Variants in SLC44A1 observed in about 807,000 individuals in gnomAD.
The protein encoded by SLC44A1 is choline transporter-like protein 1.
In SLC44A1, 26 loss-of-function variants were observed where a neutral mutation model predicts 79.3. That is an observed-to-expected ratio of 0.33 (90% CI 0.24 to 0.46). The LOEUF is 0.46. SLC44A1 is among the 20% of genes least tolerant of loss of function. The probability of loss-of-function intolerance (pLI) is 1.00; values close to 1 mark genes in which losing one functional copy is unlikely to be tolerated. For synonymous variants in SLC44A1, 263 were observed against 286.2 expected (o/e 0.92, Z 0.82); for missense variants, 688 against 798.1 (o/e 0.86, Z 1.66).
chr9:105,273,825 C>T (rs1443391898), intron 1 of SLC44A1, among the ~76,000 whole-genome samples: 1 of 151,324 alleles, frequency 6.6e-6, no homozygotes, highest in African/African-American at 2.4e-5. Context: ...AGTTTTTTTT[C>T]TCTTAGTAGG....
intron 15 of SLC44A1, among the ~76,000 whole-genome samples, chr9:105,433,211 G>A (rs543029690): frequency 3.3e-5 from 5 of 152,228 alleles, no homozygotes; most frequent in African/African-American, 9.6e-5. Flanking sequence ...AAGGAGAATT[G>A]CTTGAACCCA....
chr9:105,272,608 G>C (rs1830103170), intron 1 of SLC44A1, among the ~76,000 whole-genome samples: 1 of 150,572 alleles, frequency 6.6e-6, no homozygotes, highest in Non-Finnish European at 1.5e-5. Context: ...AGGTGAAAAA[G>C]CTGATTCATA....
chr9:105,301,413 C>A (rs1170973499), intron 2 of SLC44A1, among the ~76,000 whole-genome samples: 2 of 152,150 alleles, frequency 1.3e-5, no homozygotes, highest in Non-Finnish European at 1.5e-5. Context: ...TCGAATGATT[C>A]CTTTAATGGA....
intron 1 of SLC44A1, among the ~76,000 whole-genome samples, chr9:105,256,563 CTCT>C (rs1199717671): frequency 1.4e-5 from 2 of 142,856 alleles, no homozygotes; most frequent in African/African-American, 5.4e-5. Context: ...TGGCTGGAAA[CTCT>C]TTTTTTTTTT....
intron 1 of SLC44A1, among the ~76,000 whole-genome samples, chr9:105,249,066 C>G (rs1195317256): frequency 6.6e-6 from 1 of 152,194 alleles, no homozygotes; most frequent in Non-Finnish European, 1.5e-5. Context: ...TGCCGCTTGT[C>G]TGTCTAGCGT....
At chr9:105,366,497 ATAAACT>A in intron 12 of SLC44A1, 68 bp downstream of exon 12, 1 of 669,016 alleles carries the variant, frequency 1.5e-6, no homozygotes, top group Non-Finnish European at 2.4e-6. Flanking sequence ...TTCTCCCAAG[ATAAACT>A]TAATTGAAAG....
intron 3 of SLC44A1, among the ~76,000 whole-genome samples, chr9:105,315,516 G>C (rs1831299243): frequency 6.6e-6 from 1 of 151,994 alleles, no homozygotes; most frequent in African/African-American, 2.4e-5. Flanking sequence ...TCTACCCCGT[G>C]ATCACATATT....
intron 15 of SLC44A1, among the ~76,000 whole-genome samples, chr9:105,430,270 A>G (rs1189846650): frequency 6.6e-6 from 1 of 152,144 alleles, no homozygotes; most frequent in African/African-American, 2.4e-5. Flanking sequence ...CTCTTTTTTA[A>G]AAAATTAAGA....
chr9:105,436,916 G>A (rs958364716), intron 15 of SLC44A1, among the ~76,000 whole-genome samples: 1 of 152,162 alleles, frequency 6.6e-6, no homozygotes, highest in African/African-American at 2.4e-5. Context: ...GGAGACAGAT[G>A]TATCAGATCT....
At chr9:105,278,628 G>C (rs182742151) in intron 1 of SLC44A1, among the ~76,000 whole-genome samples, 1 of 151,766 alleles carries the variant, frequency 6.6e-6, no homozygotes, top group African/African-American at 2.4e-5. Flanking sequence ...TGATGTACCC[G>C]CTTCGGCCTC....
Position 105,393,493 on chromosome 9 carries a change from A to T in SLC44A1, c.*4437A>T. On this transcript the variant is annotated 3_prime_UTR_variant, in exon 16 of 16. Coordinates refer to ENST00000374720, the MANE Select transcript of SLC44A1 (RefSeq NM_080546.5). The stretch of plus-strand genomic sequence containing the variant: ...CATTTGAGCCAAATTCTTATACTCC[A>T]TGTTTTAATTTTAAAAGGATAATTT... 4.2e-6 allele frequency: 4 copies of T among 942,714 alleles called. No homozygotes were observed. The highest frequency in any genetic ancestry group is 5.1e-6 in the Non-Finnish European group (4 of 791,048). The allele number at this position is 942,714 out of a possible 1,614,324, so 58.4% of individuals were successfully genotyped here.
Position 105,395,884 on chromosome 9 carries a change from T to C in SLC44A1, c.*6828T>C, listed in dbSNP as rs556385380. ...GCTCCTTCTTCATTTACCATGTTGA[T>C]AATCCGGTGGTGACTTTTTTTTTTT... is the stretch of plus-strand genomic sequence containing the variant. On this transcript the variant is annotated 3_prime_UTR_variant, in exon 16 of 16. Coordinates refer to ENST00000374720, the MANE Select transcript of SLC44A1 (RefSeq NM_080546.5). 9.0e-4 allele frequency: 888 copies of C among 982,686 alleles called. 10 individuals are homozygous for C. In the South Asian group the frequency reaches 0.024, roughly 27 times the overall value. 60.9% of individuals were successfully genotyped at this position (982,686 alleles called of 1,614,324 possible).
At chr9:105,246,728 G>A (rs1829461739) in intron 1 of SLC44A1, among the ~76,000 whole-genome samples, 1 of 152,136 alleles carries the variant, frequency 6.6e-6, no homozygotes, top group South Asian at 2.1e-4. Context: ...ATGCCTTTAA[G>A]ACAGAAAAGT....
At chr9:105,316,226 G>A (rs1027375959) in intron 3 of SLC44A1, among the ~76,000 whole-genome samples, 8 of 152,094 alleles carry the variant, frequency 5.3e-5, no homozygotes, top group African/African-American at 1.9e-4. Flanking sequence ...GAAGCGTTTT[G>A]AAGAGAGAGG....
chr9:105,389,815 C>T lies in SLC44A1; in HGVS notation c.*759C>T. On this transcript the variant is annotated 3_prime_UTR_variant, in exon 16 of 16. Transcript: ENST00000374720. The stretch of plus-strand genomic sequence containing the variant: ...TTTCTTTCCTTTTTGACTTTAGTAG[C>T]ATCCTCCACACATTTGTGTGCCTGA... 7.2e-7 allele frequency: 1 copy of T among 1,389,254 alleles called. No individual in the cohort carries two copies. The highest frequency in any genetic ancestry group is 1.5e-5 in the African/African-American group (1 of 67,834). The allele number at this position is 1,389,254 out of a possible 1,614,324, so 86.1% of individuals were successfully genotyped here.
chr9:105,328,997 T>G (rs976203178), intron 3 of SLC44A1, among the ~76,000 whole-genome samples: 1 of 152,196 alleles, frequency 6.6e-6, no homozygotes, highest in Non-Finnish European at 1.5e-5. Context: ...ATTAGATGAC[T>G]GGACTTGCCT....
intron 13 of SLC44A1, 144 bp downstream of exon 13, chr9:105,374,879 A>G (rs1311405725): frequency 4.8e-6 from 3 of 626,710 alleles, no homozygotes; most frequent in Admixed American, 2.9e-5. Flanking sequence ...TGTGTCCAGC[A>G]TTGTGATAAG....
At chr9:105,318,725 C>T (rs759191026) in intron 3 of SLC44A1, among the ~76,000 whole-genome samples, 1 of 145,442 alleles carries the variant, frequency 6.9e-6, no homozygotes, top group Non-Finnish European at 1.5e-5. Context: ...AGAGGAGATC[C>T]AGCTACGTAC....
At chr9:105,307,796 A>C (rs1014252098) in intron 2 of SLC44A1, among the ~76,000 whole-genome samples, 5 of 152,234 alleles carry the variant, frequency 3.3e-5, no homozygotes, top group Non-Finnish European at 7.3e-5. Context: ...GTAAATATGC[A>C]AATATGTATG....
Sources: gnomAD v4.1 joint callset for allele counts (sites outside exome capture counted in the v4.1 genomes callset) on GRCh38, gnomAD v4.1.1 for gene constraint, MANE v1.5 for transcripts, NCBI Gene and HGNC (gene_info 2026-07-23, HGNC 2026-07-21) for gene names.